RAPGEF6: variants seen among roughly 807,000 people sequenced by gnomAD.
RAPGEF6 encodes the protein Rap guanine nucleotide exchange factor 6, also known as PDZ domain containing guanine nucleotide exchange factor (GEF) 2.
Under a neutral mutation model 171.4 loss-of-function variants are expected in RAPGEF6, and 56 were observed. That is an observed-to-expected ratio of 0.33 (90% CI 0.26 to 0.41). RAPGEF6 has a LOEUF of 0.41. RAPGEF6 is among the 10% of genes least tolerant of loss of function. The pLI, the probability that RAPGEF6 is intolerant of heterozygous loss-of-function variation, is 1.00. For missense variants in RAPGEF6, 1,674 were observed against 1,921.4 expected, an observed-to-expected ratio of 0.87 and a Z score of 2.41; for synonymous variants, 692 against 650.1, an observed-to-expected ratio of 1.06 and a Z score of -0.98.
At chr5:131,497,015 A>G (rs912323451) in intron 12 of RAPGEF6, among the ~76,000 whole-genome samples, 5 of 152,084 alleles carry the variant, frequency 3.3e-5, no homozygotes, top group African/African-American at 4.8e-5. Flanking sequence ...ATGTCTCCAT[A>G]CCGTTGGCAA....
At chr5:131,464,412 A>T in intron 17 of RAPGEF6, 131 bp from the exon 18 acceptor site, 1 of 699,504 alleles carries the variant, frequency 1.4e-6, no homozygotes, top group Non-Finnish European at 2.4e-6. Flanking sequence ...ATATTAACAG[A>T]AGTCACTGTT....
At chr5:131,430,678 G>A (rs1443381869) in intron 26 of RAPGEF6, 181 bp downstream of exon 26, 2 of 849,954 alleles carry the variant, frequency 2.4e-6, no homozygotes, top group African/African-American at 3.3e-5. Flanking sequence ...GGGTTGAATA[G>A]CTGCTCCAAA....
chr5:131,520,621 T>C (rs1758416304), intron 7 of RAPGEF6, among the ~76,000 whole-genome samples: 1 of 152,214 alleles, frequency 6.6e-6, no homozygotes, highest in African/African-American at 2.4e-5. Flanking sequence ...CTCTTGTTAT[T>C]TTATTTAAAC....
In RAPGEF6 at chr5:131,461,907, G is replaced by C. The variant is rs771279009; in HGVS notation, c.2662C>G (p.Leu888Val). ...CCTGTTTTGGAATTTAACTTAAAAA[G>C]GTCATCGATGTACTCAGTCGGTTCA... ...NIEPTEYIDD[L>V]FKLNSKTGNT... Residue 888 changes from leucine (L) to valine (V), a missense_variant, in exon 19 of 28, where the codon CTT becomes GTT. Physicochemically the swap from Leu to Val is conservative, Grantham distance 32. This residue lies in a region of RAPGEF6 where 1,116 missense variants were observed against 1,321.5 expected (regional missense o/e 0.84). Transcript: ENST00000509018. 6.2e-6 allele frequency: 10 copies of C among 1,614,012 alleles called. No individual in the cohort carries two copies. In the South Asian group the frequency reaches 7.7e-5, roughly 12 times the overall value.
chr5:131,433,655 T>C lies in RAPGEF6; in HGVS notation c.3749A>G (p.Tyr1250Cys), dbSNP rs1580816995. ...AGATTTAGCTGATGGAATAAGTGTG[T>C]AACCTGAACAAGAAAAGAGCACTGA... is the stretch of plus-strand genomic sequence containing the variant. ...ASPQGSPHKG[Y>C]TLIPSAKSDN... The change falls in exon 25 of 28, where the codon TAC becomes TGC. Residue 1250 changes from tyrosine to cysteine, a missense_variant. By Grantham distance (194) the Tyr-to-Cys change is radical. Around this residue, in one of 3 missense-constraint regions of RAPGEF6, gnomAD observed 552 missense variants for 574.2 expected, o/e 0.96. Coordinates refer to ENST00000509018, the MANE Select transcript of RAPGEF6 (RefSeq NM_016340.6). 2.5e-6 allele frequency: 4 copies of C among 1,597,348 alleles called. No homozygotes were observed. In the African/African-American group the frequency reaches 4.0e-5, roughly 16 times the overall value.
chr5:131,617,577 T>C (rs745439288), intron 1 of RAPGEF6, among the ~76,000 whole-genome samples: 3 of 152,060 alleles, frequency 2.0e-5, no homozygotes, highest in Non-Finnish European at 2.9e-5. Flanking sequence ...CTCAGCCTCT[T>C]GAGTAGCTGG....
chr5:131,580,116 G>A (rs573813657), intron 4 of RAPGEF6, among the ~76,000 whole-genome samples: 10 of 78,554 alleles, frequency 1.3e-4, no homozygotes, highest in South Asian at 4.9e-4. Context: ...CTCGGGCCGC[G>A]TGGGAGCCCA....
intron 17 of RAPGEF6, among the ~76,000 whole-genome samples, chr5:131,469,587 C>G (rs1754606671): frequency 1.3e-5 from 2 of 151,948 alleles, no homozygotes; most frequent in African/African-American, 4.8e-5. Context: ...TACAGAATAG[C>G]ATGTATACTG....
At chr5:131,527,926 A>G (rs1425793330) in intron 6 of RAPGEF6, among the ~76,000 whole-genome samples, 4 of 149,966 alleles carry the variant, frequency 2.7e-5, no homozygotes, top group African/African-American at 9.8e-5. Context: ...GAGGCAGGAG[A>G]ATGGCATGAA....
At position 131,424,714 on chromosome 5, in the gene RAPGEF6, C is replaced by A. The variant is rs1190492179; in HGVS notation, c.*2552G>T. 6.6e-6 allele frequency: 1 copy of A among 152,186 alleles called. No individual in the cohort carries two copies. Among genetic ancestry groups the A allele is most frequent in the African/African-American group, 2.4e-5 (1 of 41,406 alleles). The allele number at this position is 152,186 out of a possible 1,614,324, so 9.4% of individuals were successfully genotyped here. ...AATTAGAATTATTAACTTTAATAAG[C>A]TTTTATGGAATCATGTACTGGATTT... is the stretch of plus-strand genomic sequence containing the variant. On this transcript the variant is annotated 3_prime_UTR_variant, in exon 28 of 28. Coordinates refer to ENST00000509018, the MANE Select transcript of RAPGEF6 (RefSeq NM_016340.6).
At chr5:131,631,434 C>T (rs1266649378) in intron 1 of RAPGEF6, among the ~76,000 whole-genome samples, 1 of 152,178 alleles carries the variant, frequency 6.6e-6, no homozygotes, top group African/African-American at 2.4e-5. Context: ...CTTCTCTTTT[C>T]CTCAAGGTCC....
intron 3 of RAPGEF6, among the ~76,000 whole-genome samples, chr5:131,594,959 T>C (rs537354196): frequency 6.6e-6 from 1 of 152,320 alleles, no homozygotes; most frequent in East Asian, 1.9e-4. Flanking sequence ...ACTTCCCATG[T>C]CTCAGATGAG....
chr5:131,592,527 A>G (rs1763654944), intron 3 of RAPGEF6, 61 bp from the exon 4 acceptor site: 1 of 1,555,276 alleles, frequency 6.4e-7, no homozygotes, highest in Non-Finnish European at 8.7e-7. Flanking sequence ...ATGTATATGA[A>G]TTCAATAAGA....
chr5:131,505,344 G>C lies in RAPGEF6; in HGVS notation c.1101+20C>G, dbSNP rs757417177. On this transcript the variant is annotated intron_variant, in intron 10 of 27. Transcript: ENST00000509018. ...TTTAAACCAACAGACAAGAAGACTT[G>C]ACCAAAGAGATAATCTTACCTGACA... 2 of 1,611,752 alleles carry C rather than the reference G, an allele frequency of 1.2e-6. No homozygotes were observed. Among genetic ancestry groups the C allele is most frequent in the Admixed American group, 3.3e-5 (2 of 59,928 alleles).
intron 6 of RAPGEF6, among the ~76,000 whole-genome samples, chr5:131,538,181 C>T (rs1759900724): frequency 6.6e-6 from 1 of 152,144 alleles, no homozygotes; most frequent in South Asian, 2.1e-4. Context: ...TGCATTTACA[C>T]TGTATTAGGT....
At chr5:131,587,908 GT>G (rs1763351329) in intron 4 of RAPGEF6, among the ~76,000 whole-genome samples, 1 of 151,992 alleles carries the variant, frequency 6.6e-6, no homozygotes, top group Non-Finnish European at 1.5e-5. Context: ...GCCTTGCTGG[GT>G]TTGCTCCCTC....
chr5:131,451,952 G>A (rs1410775935), intron 21 of RAPGEF6, among the ~76,000 whole-genome samples: 3 of 152,148 alleles, frequency 2.0e-5, no homozygotes, highest in Non-Finnish European at 4.4e-5. Context: ...CTAGGAATAG[G>A]CCAGGCGCGG....
chr5:131,577,554 T>C (rs1762678533), intron 4 of RAPGEF6, among the ~76,000 whole-genome samples: 1 of 152,180 alleles, frequency 6.6e-6, no homozygotes, highest in African/African-American at 2.4e-5. Flanking sequence ...TAATCTTCTC[T>C]TGTCTACTCC....
intron 24 of RAPGEF6, among the ~76,000 whole-genome samples, chr5:131,435,188 A>C (rs1751940024): frequency 1.3e-5 from 2 of 152,202 alleles, no homozygotes; most frequent in Non-Finnish European, 2.9e-5. Context: ...TTCAAAGAGA[A>C]AAAGGCCTAG....
Sources: allele counts gnomAD v4.1 joint callset (sites outside exome capture counted in the v4.1 genomes callset), GRCh38; gene constraint gnomAD v4.1.1; regional missense constraint gnomAD v4.1.1; transcripts MANE v1.5; gene names NCBI Gene and HGNC (gene_info 2026-07-23, HGNC 2026-07-21).